The following NUP160 variants were observed in gnomAD, a reference collection of about 807,000 sequenced individuals.
The protein encoded by NUP160 is nucleoporin 160.
In NUP160, 94 loss-of-function variants were observed where a neutral mutation model predicts 196.9. That is an observed-to-expected ratio of 0.48 (90% CI 0.40 to 0.57). The LOEUF (loss-of-function observed/expected upper bound fraction) is 0.57, where lower values mean the gene tolerates loss of function less well. Among genes scored for constraint, NUP160 ranks in the 20% least tolerant of loss-of-function variants. NUP160 has a pLI of 0.00. For synonymous variants in NUP160, 605 were observed against 619.7 expected (o/e 0.98, Z 0.35); for missense variants, 1,638 against 1,748.3 (o/e 0.94, Z 1.13).
At chr11:47,780,184 T>A (rs373812341) in intron 35 of NUP160, among the ~76,000 whole-genome samples, 159 bp downstream of exon 35, 1 of 152,190 alleles carries the variant, frequency 6.6e-6, no homozygotes, top group East Asian at 1.9e-4. Context: ...GTTACTTAGA[T>A]CCTCTGCCTT....
chr11:47,814,072 A>G (rs936156478), intron 13 of NUP160, among the ~76,000 whole-genome samples: 1 of 134,766 alleles, frequency 7.4e-6, no homozygotes, highest in African/African-American at 3.4e-5. Flanking sequence ...CTCTGTCTCA[A>G]AAAAAAAAAA....
intron 21 of NUP160, 40 bp from the exon 22 acceptor site, chr11:47,803,576 T>C (rs11039400): frequency 4.7e-5 from 53 of 1,117,658 alleles, no homozygotes; most frequent in Non-Finnish European, 6.7e-5. Flanking sequence ...AGAAAATAAA[T>C]GTTACTTAAG....
At chr11:47,835,781 A>G in exon 7 of NUP160, 2 of 1,598,088 alleles carry the variant, frequency 1.3e-6, no homozygotes, top group South Asian at 1.1e-5. Context: ...ATACTCCAGC[A>G]TGTCAGCTAC....
At chr11:47,780,686 C>T (rs576650497) in intron 34 of NUP160, among the ~76,000 whole-genome samples, 1 of 152,006 alleles carries the variant, frequency 6.6e-6, no homozygotes, top group Admixed American at 6.6e-5. Context: ...CAGATGTGCA[C>T]CACCATGCCT....
At chr11:47,837,060 T>C (rs1852191260) in intron 5 of NUP160, 59 bp from the exon 6 acceptor site, 2 of 949,556 alleles carry the variant, frequency 2.1e-6, no homozygotes, top group South Asian at 1.5e-5. Context: ...ATCATTAGAA[T>C]TTGCAATTCA....
intron 2 of NUP160, 104 bp from the exon 3 acceptor site, chr11:47,840,692 A>C: frequency 1.2e-6 from 1 of 851,902 alleles, no homozygotes; most frequent in East Asian, 2.5e-5. Context: ...CAAATTTGAA[A>C]ATTTTGGATA....
chr11:47,816,565 A>C (rs2097684573), intron 11 of NUP160, among the ~76,000 whole-genome samples: 1 of 152,218 alleles, frequency 6.6e-6, no homozygotes, highest in African/African-American at 2.4e-5. Context: ...ATTTGAGGCC[A>C]GGAGTTCGAG....
At chr11:47,809,500 G>A (rs1172742661) in intron 17 of NUP160, among the ~76,000 whole-genome samples, 1 of 152,004 alleles carries the variant, frequency 6.6e-6, no homozygotes, top group African/African-American at 2.4e-5. Flanking sequence ...TGTAATCCCA[G>A]CACTTTGTGA....
At chr11:47,794,224 T>A (rs2097669580) in intron 27 of NUP160, among the ~76,000 whole-genome samples, 1 of 152,198 alleles carries the variant, frequency 6.6e-6, no homozygotes, top group Admixed American at 6.5e-5. Context: ...GCGGGCGCGG[T>A]GGCTCATGCC....
exon 6 of NUP160, chr11:47,836,898 A>G (rs1411445628): frequency 6.3e-7 from 1 of 1,595,332 alleles, no homozygotes; most frequent in Non-Finnish European, 8.6e-7. Context: ...TTGTAAGACC[A>G]CATTCGTAGT....
chr11:47,815,428 C>T (rs1565199467), intron 13 of NUP160, 51 bp downstream of exon 13: 17 of 1,395,098 alleles, frequency 1.2e-5, no homozygotes, highest in South Asian at 5.3e-5. Flanking sequence ...TTTGTTATAA[C>T]AGCCACTGAA....
At chr11:47,790,006 C>A (rs982758050) in intron 29 of NUP160, among the ~76,000 whole-genome samples, 1 of 148,914 alleles carries the variant, frequency 6.7e-6, no homozygotes, top group Admixed American at 6.8e-5. Context: ...AGTGCAATGG[C>A]GCGATCTCGG....
chr11:47,794,250 C>A (rs2135353095), intron 27 of NUP160, among the ~76,000 whole-genome samples: 1 of 152,172 alleles, frequency 6.6e-6, no homozygotes, highest in African/African-American at 2.4e-5. Context: ...TTCCAGCACT[C>A]TGGGAGGCCA....
intron 7 of NUP160, among the ~76,000 whole-genome samples, chr11:47,825,056 C>CGATCT (rs1352362550): frequency 2.0e-5 from 3 of 152,080 alleles, no homozygotes; most frequent in African/African-American, 7.2e-5. Context: ...AGGATAGTCT[C>CGATCT]GATCTTCTGA....
chr11:47,816,051 G>C (rs886633154), intron 11 of NUP160, 22 bp from the exon 12 acceptor site: 4 of 1,546,822 alleles, frequency 2.6e-6, no homozygotes, highest in Middle Eastern at 1.7e-4. Flanking sequence ...AGACATTTTA[G>C]ACTTCTATAT....
At chr11:47,806,486 G>A (rs1203571349) in intron 19 of NUP160, 174 bp from the exon 20 acceptor site, 2 of 535,788 alleles carry the variant, frequency 3.7e-6, no homozygotes, top group Admixed American at 6.5e-5. Context: ...TGTAAATTGT[G>A]AGGCACTATA....
At chr11:47,846,189 G>A (rs1171584580) in intron 2 of NUP160, among the ~76,000 whole-genome samples, 1 of 150,544 alleles carries the variant, frequency 6.6e-6, no homozygotes, top group Non-Finnish European at 1.5e-5. Context: ...TTGTAGAAAT[G>A]GGGTCTTGAA....
chr11:47,801,845 A>C, exon 23 of NUP160: 1 of 1,613,572 alleles, frequency 6.2e-7, no homozygotes, highest in Non-Finnish European at 8.5e-7. Flanking sequence ...GGTAGACACG[A>C]TCTCCCCATC....
chr11:47,782,932 T>C, intron 34 of NUP160, 141 bp downstream of exon 34: 1 of 735,640 alleles, frequency 1.4e-6, no homozygotes, highest in East Asian at 2.8e-5. Context: ...GTGCTGGGAT[T>C]ATAGGCATGA....
Sources: gnomAD v4.1 joint callset for allele counts (sites outside exome capture counted in the v4.1 genomes callset) on GRCh38, gnomAD v4.1.1 for gene constraint, MANE v1.5 for transcripts, NCBI Gene and HGNC (gene_info 2026-07-23, HGNC 2026-07-21) for gene names.